Variants in EPHA6 observed in about 807,000 individuals in gnomAD.
The protein encoded by EPHA6 is EPH receptor A6.
EPHA6 carries 50 observed loss-of-function variants against 112.0 expected under a neutral mutation model. The ratio of observed to expected loss-of-function variants is 0.45; its 90% confidence interval spans 0.36 to 0.56. The LOEUF is 0.56. Among genes scored for constraint, EPHA6 ranks in the 20% least tolerant of loss-of-function variants. The pLI is 0.00. For missense variants in EPHA6, 1,280 were observed against 1,417.4 expected (o/e 0.90, Z 1.56); for synonymous variants, 529 against 490.7 (o/e 1.08, Z -1.03).
intron 2 of EPHA6, among the ~76,000 whole-genome samples, chr3:96,946,779 A>G (rs946183983): frequency 3.9e-5 from 6 of 152,182 alleles, no homozygotes; most frequent in East Asian, 3.9e-4. Context: ...GAACTAGTTT[A>G]CAGACCCACC....
intron 6 of EPHA6, among the ~76,000 whole-genome samples, chr3:97,409,310 A>C (rs2087557167): frequency 6.6e-6 from 1 of 152,086 alleles, no homozygotes; most frequent in African/African-American, 2.4e-5. Flanking sequence ...TAATTAATAG[A>C]TACTGATTGT....
At chr3:97,288,428 A>C (rs905957882) in intron 5 of EPHA6, among the ~76,000 whole-genome samples, 5 of 152,170 alleles carry the variant, frequency 3.3e-5, no homozygotes, top group Non-Finnish European at 7.3e-5. Flanking sequence ...ATTCTTTTTC[A>C]TGACTGCTTA....
intron 3 of EPHA6, among the ~76,000 whole-genome samples, chr3:97,077,053 A>T (rs2108181426): frequency 6.6e-6 from 1 of 152,258 alleles, no homozygotes; most frequent in East Asian, 1.9e-4. Context: ...TAGCCCATAG[A>T]TCAAGTAGGG....
intron 1 of EPHA6, among the ~76,000 whole-genome samples, chr3:96,839,142 A>T (rs972949467): frequency 1.3e-5 from 2 of 152,146 alleles, no homozygotes; most frequent in Non-Finnish European, 2.9e-5. Flanking sequence ...TAAACTTAGT[A>T]TCCCCTACAG....
intron 3 of EPHA6, among the ~76,000 whole-genome samples, chr3:97,004,722 A>G (rs1035165512): frequency 1.3e-5 from 2 of 152,170 alleles, no homozygotes; most frequent in Non-Finnish European, 2.9e-5. Flanking sequence ...GCCCATGCCT[A>G]TGTCCTGAAT....
intron 14 of EPHA6, among the ~76,000 whole-genome samples, chr3:97,645,434 A>G (rs2094050857): frequency 7.0e-6 from 1 of 143,668 alleles, no homozygotes; most frequent in South Asian, 2.3e-4. Flanking sequence ...CAAACACCGC[A>G]TATTCTCACT....
chr3:96,997,939 G>C (rs1349987526), intron 3 of EPHA6, among the ~76,000 whole-genome samples: 2 of 151,964 alleles, frequency 1.3e-5, no homozygotes, highest in African/African-American at 4.8e-5. Context: ...AGACATGCTT[G>C]TACATTATAG....
intron 13 of EPHA6, among the ~76,000 whole-genome samples, chr3:97,633,862 T>G (rs761762882): frequency 6.6e-6 from 1 of 152,102 alleles, no homozygotes. Context: ...GAGAAATAGA[T>G]TTGTGCTATA....
intron 1 of EPHA6, among the ~76,000 whole-genome samples, chr3:96,859,933 T>TA (rs1206823311): frequency 7.9e-5 from 12 of 152,260 alleles, no homozygotes; most frequent in Middle Eastern, 6.8e-3. Context: ...TGAGGGCATT[T>TA]TAATCTGTTC....
intron 5 of EPHA6, among the ~76,000 whole-genome samples, chr3:97,256,786 G>A (rs771215331): frequency 1.8e-4 from 28 of 151,942 alleles, no homozygotes; most frequent in Non-Finnish European, 3.5e-4. Flanking sequence ...TTTGTTGCTA[G>A]GATAATGCAG....
chr3:97,378,770 C>T (rs1366304917), intron 5 of EPHA6, among the ~76,000 whole-genome samples: 1 of 152,144 alleles, frequency 6.6e-6, no homozygotes, highest in East Asian at 1.9e-4. Context: ...GCCAATTTCT[C>T]CCATGTAGAA....
At chr3:97,287,667 A>T (rs1409990290) in intron 5 of EPHA6, among the ~76,000 whole-genome samples, 1 of 152,134 alleles carries the variant, frequency 6.6e-6, no homozygotes, top group Non-Finnish European at 1.5e-5. Flanking sequence ...TATTGTGATG[A>T]TCATGTTATT....
intron 7 of EPHA6, among the ~76,000 whole-genome samples, chr3:97,460,489 A>G (rs2090850699): frequency 6.6e-6 from 1 of 152,322 alleles, no homozygotes; most frequent in African/African-American, 2.4e-5. Flanking sequence ...TTCTAGAGAG[A>G]TGAGAAAGAC....
intron 10 of EPHA6, among the ~76,000 whole-genome samples, chr3:97,522,820 A>C (rs1314835590): frequency 1.3e-5 from 2 of 152,136 alleles, no homozygotes; most frequent in African/African-American, 2.4e-5. Context: ...TCCAATTTAT[A>C]AGCGTAAAGT....
At chr3:96,894,843 G>T (rs536438395) in intron 2 of EPHA6, among the ~76,000 whole-genome samples, 30 of 152,194 alleles carry the variant, frequency 2.0e-4, no homozygotes, top group African/African-American at 6.7e-4. Context: ...TGCAGGAAAA[G>T]AAAAAGGAGA....
At chr3:97,216,774 T>C (rs78661197) in intron 3 of EPHA6, among the ~76,000 whole-genome samples, 1 of 152,198 alleles carries the variant, frequency 6.6e-6, no homozygotes, top group Non-Finnish European at 1.5e-5. Flanking sequence ...AGTATTCTGG[T>C]ACAGGTGGTA....
chr3:97,180,598 T>C (rs1216797195), intron 3 of EPHA6, among the ~76,000 whole-genome samples: 1 of 152,058 alleles, frequency 6.6e-6, no homozygotes, highest in Non-Finnish European at 1.5e-5. Flanking sequence ...GGTCTTTTCC[T>C]TCAAGGTAGC....
At chr3:97,155,768 T>C (rs1384808830) in intron 3 of EPHA6, among the ~76,000 whole-genome samples, 3 of 152,140 alleles carry the variant, frequency 2.0e-5, no homozygotes, top group African/African-American at 7.2e-5. Context: ...CCTCGAGGAC[T>C]CCCAGGCCCT....
Position 97,668,178 on chromosome 3 carries a change from T to C in EPHA6, c.2784+30096T>C, listed in dbSNP as rs546738878. ...TTACCAACTGCCCTCATAATCTTGC[T>C]TCAAAGTATAATGAGAGCAAATCAG... On this transcript the variant is annotated intron_variant, in intron 14 of 17. Transcript: ENST00000389672. Among the ~76,000 whole-genome samples the C allele has an allele frequency of 2.6e-5, 4 of 152,336 alleles. No individual in the cohort carries two copies. In the South Asian group the frequency reaches 8.3e-4, roughly 32 times the overall value.
Sources: gnomAD v4.1 joint callset for allele counts (sites outside exome capture counted in the v4.1 genomes callset) on GRCh38, gnomAD v4.1.1 for gene constraint, MANE v1.5 for transcripts, NCBI Gene and HGNC (gene_info 2026-07-23, HGNC 2026-07-21) for gene names.